IQCH: variants seen among roughly 807,000 people sequenced by gnomAD.
IQCH encodes the protein IQ motif containing H.
IQCH carries 98 observed loss-of-function variants against 117.0 expected under a neutral mutation model. The ratio of observed to expected loss-of-function variants is 0.84; its 90% confidence interval spans 0.71 to 0.99. The LOEUF is 0.99. Ranked by LOEUF, IQCH falls within the 50% of genes least tolerant of loss-of-function variation. IQCH has a pLI of 0.00. For missense variants in IQCH, 1,102 were observed against 1,243.8 expected (o/e 0.89, Z 1.72); for synonymous variants, 412 against 448.2 (o/e 0.92, Z 1.02).
intron 18 of IQCH, among the ~76,000 whole-genome samples, chr15:67,480,628 A>G (rs1376560125): frequency 2.0e-5 from 3 of 152,170 alleles, no homozygotes; most frequent in Admixed American, 1.3e-4. Flanking sequence ...ACAGAAACCT[A>G]AAATTTTGGT....
chr15:67,287,694 C>T (rs1468195152), intron 4 of IQCH, among the ~76,000 whole-genome samples: 1 of 151,788 alleles, frequency 6.6e-6, no homozygotes, highest in African/African-American at 2.4e-5. Context: ...TTTATCTTTT[C>T]AAAACAATTT....
At position 67,416,852 on chromosome 15, in the gene IQCH, C is replaced by T; in HGVS notation, c.2098-79C>T. 8.0e-7 allele frequency: 1 copy of T among 1,255,538 alleles called. No individual in the cohort carries two copies. Among genetic ancestry groups the T allele is most frequent in the South Asian group, 2.4e-5 (1 of 42,066 alleles). 77.8% of individuals were successfully genotyped at this position (1,255,538 alleles called of 1,614,324 possible). The stretch of plus-strand genomic sequence containing the variant: ...CACATTTTTTTTGCCTGTTGGAGGC[C>T]TGGTTTTTAATCACTCCACAAGCAG... On this transcript the variant is annotated intron_variant, in intron 14 of 20. Coordinates refer to ENST00000335894, the MANE Select transcript of IQCH (RefSeq NM_001031715.3). This position sits in a 1 kb window ranked among gnomAD's most constrained non-coding sequence, Gnocchi z 5.1.
intron 4 of IQCH, among the ~76,000 whole-genome samples, chr15:67,281,124 A>G (rs1966338505): frequency 6.6e-6 from 1 of 152,128 alleles, no homozygotes; most frequent in Non-Finnish European, 1.5e-5. Flanking sequence ...GATTACAGGC[A>G]TGAGCCACCG....
intron 8 of IQCH, among the ~76,000 whole-genome samples, chr15:67,363,305 G>A (rs1007266921): frequency 1.4e-5 from 2 of 147,144 alleles, no homozygotes; most frequent in Admixed American, 6.9e-5. Context: ...GCATGATCTC[G>A]GCTCACTGCC....
intron 5 of IQCH, among the ~76,000 whole-genome samples, 160 bp from the exon 6 acceptor site, chr15:67,343,903 T>G (rs1330903858): frequency 6.6e-6 from 1 of 152,214 alleles, no homozygotes; most frequent in African/African-American, 2.4e-5. Flanking sequence ...TAAATGAATG[T>G]GTACTGTAGC....
At chr15:67,464,099 G>T (rs2141019656) in intron 16 of IQCH, among the ~76,000 whole-genome samples, 1 of 152,284 alleles carries the variant, frequency 6.6e-6, no homozygotes, top group Non-Finnish European at 1.5e-5. Context: ...AAAGTGCTGG[G>T]ATTACAGGTA....
At chr15:67,270,402 C>A (rs539155516) in intron 3 of IQCH, among the ~76,000 whole-genome samples, 1 of 152,236 alleles carries the variant, frequency 6.6e-6, no homozygotes, top group East Asian at 1.9e-4. Context: ...CCTTCTATAT[C>A]CAGTTTGCTG....
chr15:67,479,158 T>C lies in IQCH; in HGVS notation c.2799+3340T>C, dbSNP rs1490744299. On this transcript the variant is annotated intron_variant, in intron 18 of 20. Transcript: ENST00000335894. The surrounding 1 kb of genome is among the most constrained non-coding windows in gnomAD (Gnocchi z 4.6). ...TTGGTAAGTGGTGAACCAGCATTTA[T>C]GGAGTGCCTACTGCGTACTGGCCTC... Among the ~76,000 whole-genome samples, 2 of 152,200 alleles carry C rather than the reference T, an allele frequency of 1.3e-5. No individual in the cohort carries two copies. The highest frequency in any genetic ancestry group is 1.3e-4 in the Admixed American group (2 of 15,284).
At position 67,346,825 on chromosome 15, in the gene IQCH, T is replaced by A. The variant is rs1193116363; in HGVS notation, c.637+2634T>A. ...GACCATAAAACAAATATTAACCAAT[T>A]TAAAATAGTTAAAATCTTACACATT... On this transcript the variant is annotated intron_variant, in intron 6 of 20. Transcript: ENST00000335894. 3.3e-5 allele frequency among the ~76,000 whole-genome samples: 5 copies of A among 152,164 alleles called. No homozygotes were observed. In the East Asian group the frequency reaches 9.7e-4, roughly 29 times the overall value.
chr15:67,275,395 C>G (rs994472089), intron 3 of IQCH, among the ~76,000 whole-genome samples: 1 of 152,076 alleles, frequency 6.6e-6, no homozygotes, highest in Non-Finnish European at 1.5e-5. Context: ...TCTCCATGAC[C>G]TGGGAACTGT....
chr15:67,450,366 AG>A (rs2082493299), intron 16 of IQCH, among the ~76,000 whole-genome samples: 1 of 152,204 alleles, frequency 6.6e-6, no homozygotes, highest in Non-Finnish European at 1.5e-5. Flanking sequence ...GGTTTGTCAC[AG>A]ATAGCTCTTA....
rs781725561 is a variant in IQCH, at chr15:67,443,324, G to A, written c.2505+21747G>A. Among the ~76,000 whole-genome samples, 1 of 152,156 alleles carries A rather than the reference G, an allele frequency of 6.6e-6. No homozygotes were observed. Among genetic ancestry groups the A allele is most frequent in the Non-Finnish European group, 1.5e-5 (1 of 68,028 alleles). ...TGTTATTCTAAGTGAAGTAACTCAG[G>A]AATGGAAAACCGGACATCGTATGTT... is the stretch of plus-strand genomic sequence containing the variant. On this transcript the variant is annotated intron_variant, in intron 16 of 20. Coordinates refer to ENST00000335894, the MANE Select transcript of IQCH (RefSeq NM_001031715.3). This position sits in a 1 kb window ranked among gnomAD's most constrained non-coding sequence, Gnocchi z 5.0.
chr15:67,495,587 C>G (rs6494664), intron 20 of IQCH, among the ~76,000 whole-genome samples: 130,937 of 152,222 alleles, frequency 0.86, 56,374 homozygotes, highest in Middle Eastern at 0.9. Context: ...CTCTGCATTT[C>G]ATCCATTCAG....
At chr15:67,293,026 A>G (rs1966802931) in intron 4 of IQCH, among the ~76,000 whole-genome samples, 1 of 152,208 alleles carries the variant, frequency 6.6e-6, no homozygotes, top group African/African-American at 2.4e-5. Flanking sequence ...GGTTAGAACT[A>G]TGGGTTAACA....
chr15:67,330,732 A>T (rs911336366), intron 4 of IQCH, among the ~76,000 whole-genome samples: 7 of 152,324 alleles, frequency 4.6e-5, no homozygotes, highest in African/African-American at 1.7e-4. Context: ...TGCCTCTGAA[A>T]TTGATAAACT....
At position 67,500,876 on chromosome 15, in the gene IQCH, T is replaced by C. The variant is rs1408520524; in HGVS notation, c.*130T>C. 1 of 459,014 alleles carries C rather than the reference T, an allele frequency of 2.2e-6. No homozygotes were observed. Among genetic ancestry groups the C allele is most frequent in the Admixed American group, 4.0e-5 (1 of 24,836 alleles). 28.4% of individuals were successfully genotyped at this position (459,014 alleles called of 1,614,324 possible). On this transcript the variant is annotated 3_prime_UTR_variant, in exon 21 of 21. Coordinates refer to ENST00000335894, the MANE Select transcript of IQCH (RefSeq NM_001031715.3). The surrounding 1 kb of genome is among the most constrained non-coding windows in gnomAD (Gnocchi z 4.4). The stretch of plus-strand genomic sequence containing the variant: ...TGCTAGGAGGTGAATCAGAACAGAT[T>C]ATAATGAAATGCTCTTTTTAAAACA...
At chr15:67,348,998 C>A (rs1969532328) in intron 6 of IQCH, among the ~76,000 whole-genome samples, 1 of 152,114 alleles carries the variant, frequency 6.6e-6, no homozygotes, top group Non-Finnish European at 1.5e-5. Flanking sequence ...AAAGGCAATT[C>A]AATGGAGAAG....
intron 14 of IQCH, among the ~76,000 whole-genome samples, chr15:67,409,111 A>G (rs2081378463): frequency 6.6e-6 from 1 of 152,160 alleles, no homozygotes; most frequent in African/African-American, 2.4e-5. Flanking sequence ...CAGATGTTGA[A>G]GTAATTCTGG....
intron 14 of IQCH, among the ~76,000 whole-genome samples, chr15:67,409,287 T>A (rs1479306550): frequency 6.6e-6 from 1 of 152,132 alleles, no homozygotes. Context: ...TCAAGAAGCA[T>A]TTAATCTTTA....
Sources: gnomAD v4.1 joint callset for allele counts (sites outside exome capture counted in the v4.1 genomes callset) on GRCh38, gnomAD v4.1.1 for gene constraint, Gnocchi (gnomAD v3.1) non-coding constraint, MANE v1.5 for transcripts, NCBI Gene and HGNC (gene_info 2026-07-23, HGNC 2026-07-21) for gene names.